TDP1: variants seen among roughly 807,000 people sequenced by gnomAD.
TDP1 encodes tyr-DNA phosphodiesterase 1.
In TDP1, 64 loss-of-function variants were observed where a neutral mutation model predicts 81.5. The ratio of observed to expected loss-of-function variants is 0.79; its 90% CI spans 0.64 to 0.97. The LOEUF is 0.97. Among genes scored for constraint, TDP1 ranks in the 50% least tolerant of loss-of-function variants. The pLI is 0.00. For missense variants in TDP1, 723 were observed against 743.8 expected (o/e 0.97, Z 0.33); for synonymous variants, 256 against 264.3 (o/e 0.97, Z 0.30).
At chr14:89,991,603 G>GT (rs1896188476) in intron 12 of TDP1, 1 of 984,924 alleles carries the variant, frequency 1.0e-6, no homozygotes. Context: ...GTATGTTTGT[G>GT]TTACATGAGC....
chr14:90,027,695 A>G (rs1886826727), intron 15 of TDP1, among the ~76,000 whole-genome samples: 1 of 152,188 alleles, frequency 6.6e-6, no homozygotes, highest in African/African-American at 2.4e-5. Flanking sequence ...AGTGAGACAG[A>G]GAGGAGCTAG....
chr14:89,976,738 T>C (rs1047250445), intron 7 of TDP1, among the ~76,000 whole-genome samples: 1 of 146,138 alleles, frequency 6.8e-6, no homozygotes, highest in South Asian at 2.5e-4. Context: ...GGTTTCACCA[T>C]GTTTGCCAGG....
At chr14:90,021,770 T>G (rs1432155219) in intron 15 of TDP1, among the ~76,000 whole-genome samples, 1 of 152,190 alleles carries the variant, frequency 6.6e-6, no homozygotes, top group Non-Finnish European at 1.5e-5. Context: ...ATAAAACAGA[T>G]TCCACCCCTT....
chr14:89,988,963 A>G lies in TDP1; in HGVS notation c.1190A>G (p.Gln397Arg). The G allele has an allele frequency of 6.2e-7, 1 of 1,614,206 alleles. No individual in the cohort carries two copies. Among genetic ancestry groups the G allele is most frequent in the Non-Finnish European group, 8.5e-7 (1 of 1,180,034 alleles). The change falls in exon 11 of 17, where the codon CAG becomes CGG. Residue 397 changes from glutamine (Q) to arginine (R), a missense_variant. By Grantham distance (43) the Gln-to-Arg change is conservative. Transcript: ENST00000335725. ...GCAGAGTCCTGGCCTGTCGTAGGTC[A>G]GTTTTCAAGCGTTGGCTCCTTGGGA... is the stretch of plus-strand genomic sequence containing the variant. Reference protein sequence around the residue: ...PNAESWPVVGQFSSVGSLGAD... With the variant: ...PNAESWPVVGRFSSVGSLGAD...
intron 13 of TDP1, among the ~76,000 whole-genome samples, chr14:89,992,187 A>T (rs1427453155): frequency 6.6e-6 from 1 of 152,196 alleles, no homozygotes; most frequent in African/African-American, 2.4e-5. Context: ...AGGAAAATTT[A>T]TTGCTGTGAG....
At position 89,984,559 on chromosome 14, in the gene TDP1, C is replaced by T. The variant is rs1242481846; in HGVS notation, c.928C>T (p.His310Tyr). ...PLYPRIADGT[H>Y]KSGESPTHFK... ...ATACCCACGAATTGCTGATGGAACC[C>T]ACAAATCTGGAGAGTCGCCAACACA... The change falls in exon 9 of 17, where the codon CAC becomes TAC. Residue 310 changes from histidine (H) to tyrosine (Y), a missense_variant. By Grantham distance (83) the His-to-Tyr change is moderately conservative. Transcript: ENST00000335725. The T allele has an allele frequency of 6.2e-7, 1 of 1,614,076 alleles. No individual in the cohort carries two copies. The highest frequency in any genetic ancestry group is 8.5e-7 in the Non-Finnish European group (1 of 1,180,018).
intron 3 of TDP1, among the ~76,000 whole-genome samples, chr14:89,965,593 A>C (rs1408478621): frequency 6.6e-6 from 1 of 152,190 alleles, no homozygotes; most frequent in Non-Finnish European, 1.5e-5. Flanking sequence ...ACCTAACATA[A>C]AGCTTGAATG....
chr14:89,992,014 C>T (rs781314498), intron 13 of TDP1, 31 bp downstream of exon 13: 4 of 1,579,870 alleles, frequency 2.5e-6, no homozygotes, highest in Non-Finnish European at 3.5e-6. Context: ...GCTGCTATTG[C>T]TTCTTTAGGA....
At chr14:90,038,890 T>C (rs926825707) in intron 16 of TDP1, among the ~76,000 whole-genome samples, 1 of 148,432 alleles carries the variant, frequency 6.7e-6, no homozygotes, top group Non-Finnish European at 1.5e-5. Context: ...TTTTGAAAGA[T>C]CTTCAGAAAT....
chr14:89,977,302 A>C (rs1894450857), intron 7 of TDP1, among the ~76,000 whole-genome samples: 1 of 152,158 alleles, frequency 6.6e-6, no homozygotes, highest in African/African-American at 2.4e-5. Flanking sequence ...ATTTAAAAAA[A>C]AATTTTTTTT....
At chr14:90,012,475 G>T (rs1884820786) in intron 14 of TDP1, among the ~76,000 whole-genome samples, 2 of 151,562 alleles carry the variant, frequency 1.3e-5, no homozygotes, top group African/African-American at 4.8e-5. Flanking sequence ...GGTTCTCCAT[G>T]AGGGCCTCGT....
chr14:89,987,446 G>T (rs1342310293), intron 10 of TDP1, among the ~76,000 whole-genome samples: 1 of 152,200 alleles, frequency 6.6e-6, no homozygotes. Flanking sequence ...ATAAGTACAG[G>T]CTTCCTGTCT....
Position 89,981,025 on chromosome 14 carries a change from G to C in TDP1, c.884+393G>C, listed in dbSNP as rs1009165722. Among the ~76,000 whole-genome samples, 6 of 152,280 alleles carry C rather than the reference G, an allele frequency of 3.9e-5. No individual in the cohort carries two copies. In the South Asian group the frequency reaches 6.2e-4, roughly 16 times the overall value. The stretch of plus-strand genomic sequence containing the variant: ...ACAGAATGAAAGATCTGAACCTATT[G>C]TTTTCCTAGTAGGATTTACCAGATA... On this transcript the variant is annotated intron_variant, in intron 8 of 16. Coordinates refer to ENST00000335725, the MANE Select transcript of TDP1 (RefSeq NM_018319.4).
chr14:90,014,390 C>T (rs186792642), intron 14 of TDP1, among the ~76,000 whole-genome samples: 12 of 152,330 alleles, frequency 7.9e-5, no homozygotes, highest in Middle Eastern at 3.4e-3. Context: ...AGGAAACCTA[C>T]GATGTCTGTG....
At chr14:89,983,305 G>A (rs1183422182) in intron 8 of TDP1, 3 of 356,520 alleles carry the variant, frequency 8.4e-6, no homozygotes, top group African/African-American at 6.5e-5. Flanking sequence ...TCTGGGTCCA[G>A]AACATGGGCT....
intron 11 of TDP1, chr14:89,989,449 G>T: frequency 1.0e-6 from 1 of 979,534 alleles, no homozygotes; most frequent in Non-Finnish European, 1.2e-6. Flanking sequence ...AGAGAACTGT[G>T]AATTAATAAT....
intron 16 of TDP1, among the ~76,000 whole-genome samples, chr14:90,040,674 AGTT>A (rs1375004188): frequency 6.6e-6 from 1 of 152,264 alleles, no homozygotes; most frequent in Non-Finnish European, 1.5e-5. Context: ...TTACAAGGCA[AGTT>A]GTTCTCTCAT....
Position 89,963,287 on chromosome 14 carries a change from G to A in TDP1, c.173G>A (p.Arg58Lys). Residue 58 changes from arginine to lysine, a missense_variant, in exon 3 of 17, where the codon AGG (arginine) becomes AAG (lysine). Coordinates refer to ENST00000335725, the MANE Select transcript of TDP1 (RefSeq NM_018319.4). The stretch of plus-strand genomic sequence containing the variant: ...GAGGCCCAGAAAGCTGCACACAAGA[G>A]GAAAATATCACCTGTGAAATTCAGC... Reference protein sequence around the residue: ...CSEAQKAAHKRKISPVKFSNT... With the variant: ...CSEAQKAAHKKKISPVKFSNT... The A allele has an allele frequency of 6.2e-7, 1 of 1,614,134 alleles. No homozygotes were observed. Among genetic ancestry groups the A allele is most frequent in the Admixed American group, 1.7e-5 (1 of 60,016 alleles).
chr14:90,014,245 C>T (rs1445947792), intron 14 of TDP1, among the ~76,000 whole-genome samples: 1 of 152,134 alleles, frequency 6.6e-6, no homozygotes, highest in Non-Finnish European at 1.5e-5. Context: ...AGATTATGTT[C>T]CTGTGTATAC....
Sources: gnomAD v4.1 joint callset for allele counts (sites outside exome capture counted in the v4.1 genomes callset) on GRCh38, gnomAD v4.1.1 for gene constraint, MANE v1.5 for transcripts, NCBI Gene and HGNC (gene_info 2026-07-23, HGNC 2026-07-21) for gene names.